CPNE5: variants seen among roughly 807,000 people sequenced by gnomAD.
The protein encoded by CPNE5 is copine-5.
Under a neutral mutation model 81.1 loss-of-function variants are expected in CPNE5, and 42 were observed. The observed-to-expected ratio is 0.52, with a 90% CI of 0.40 to 0.67. The LOEUF is 0.67. Ranked by LOEUF, CPNE5 falls within the 30% of genes least tolerant of loss-of-function variation. The pLI is 0.00. For synonymous variants in CPNE5, 313 were observed against 321.5 expected (o/e 0.97, Z 0.28); for missense variants, 612 against 815.5 (o/e 0.75, Z 3.04).
intron 1 of CPNE5, chr6:36,838,762 A>C: frequency 1.0e-6 from 1 of 984,418 alleles, no homozygotes; most frequent in African/African-American, 1.7e-5. Flanking sequence ...GAGATGAAGG[A>C]AGGCTTTAAA....
Position 36,745,400 on chromosome 6 carries a change from G to A in CPNE5, c.1316C>T (p.Thr439Ile). ...YGPTNFAPVV[T>I]HVARNAAAVQ... ...CAGCGGCACTCACCTGGCCACGTGG[G>A]TGACCACGGGGGCAAAGTTGGTGGG... Residue 439 changes from threonine (T) to isoleucine (I), a missense_variant, in exon 17 of 21, where the codon ACC (threonine) becomes ATC (isoleucine). Physicochemically the swap from Thr to Ile is moderately conservative, Grantham distance 89. Coordinates refer to ENST00000244751, the MANE Select transcript of CPNE5 (RefSeq NM_020939.2). 1 of 1,606,964 alleles carries A rather than the reference G, an allele frequency of 6.2e-7. No individual in the cohort carries two copies. Among genetic ancestry groups the A allele is most frequent in the African/African-American group, 1.3e-5 (1 of 75,032 alleles).
At chr6:36,806,185 T>C (rs1770575898) in intron 3 of CPNE5, among the ~76,000 whole-genome samples, 1 of 152,160 alleles carries the variant, frequency 6.6e-6, no homozygotes, top group African/African-American at 2.4e-5. Context: ...ATACGGAGGC[T>C]GGAGAGTCTC....
intron 10 of CPNE5, among the ~76,000 whole-genome samples, chr6:36,774,756 C>CAG (rs3838963): frequency 0.67 from 101,047 of 151,902 alleles, 34,361 homozygotes; most frequent in Non-Finnish European, 0.75. Context: ...TGTGAAGAGG[C>CAG]AGACATTGCC....
Position 36,764,075 on chromosome 6 carries a change from G to GCCCCACCC in CPNE5, c.780-1091_780-1084dup, listed in dbSNP as rs1317833890. Among the ~76,000 whole-genome samples the GCCCCACCC allele has an allele frequency of 2.4e-4, 30 of 125,016 alleles. No homozygotes were observed. The East Asian group carries it at 3.5e-3, about 15-fold the overall frequency. The allele number at this position is 125,016 out of a possible 152,430, so 82.0% of individuals were successfully genotyped here. ...CTGATGCCCAAGAGGTGTCCCTGGG[G>GCCCCACCC]CCCCACCCCCCCACCCCCCACCGTG... On this transcript the variant is annotated intron_variant, in intron 11 of 20. Coordinates refer to ENST00000244751, the MANE Select transcript of CPNE5 (RefSeq NM_020939.2).
intron 10 of CPNE5, among the ~76,000 whole-genome samples, chr6:36,772,265 C>T (rs77138320): frequency 0.017 from 2,562 of 152,218 alleles, 30 homozygotes; most frequent in African/African-American, 0.025. Flanking sequence ...CCTTTATTCC[C>T]GTGCCCCTGT....
intron 3 of CPNE5, among the ~76,000 whole-genome samples, chr6:36,815,866 TG>T (rs1340660949): frequency 1.3e-4 from 20 of 152,188 alleles, no homozygotes; most frequent in Admixed American, 2.0e-4. Context: ...TGCAGTGGTA[TG>T]GGGCGATCTG....
chr6:36,833,581 G>A (rs547916390), intron 1 of CPNE5, among the ~76,000 whole-genome samples: 89 of 152,362 alleles, frequency 5.8e-4, no homozygotes, highest in African/African-American at 2.1e-3. Flanking sequence ...AGGGGGCCAT[G>A]TGGCAAGGGC....
In CPNE5 at chr6:36,745,082, G is replaced by T; in HGVS notation, c.1397C>A (p.Ser466Ter). Residue 466 changes from serine to a stop codon, truncating the protein, a stop_gained, in exon 18 of 21, where the codon TCG becomes TAG. Transcript: ENST00000244751. LOFTEE classifies it high-confidence loss of function. ...VLLIITDGVI[S>*]DMAQTKEAIV... Reference sequence around the variant, plus strand: ...GGCCTCCTTGGTCTGCGCCATGTCCGAGATGACCCCATCAGTAATGATGAG... The same window carrying T: ...GGCCTCCTTGGTCTGCGCCATGTCCTAGATGACCCCATCAGTAATGATGAG... 1.2e-6 allele frequency: 2 copies of T among 1,614,040 alleles called. No homozygotes were observed. The highest frequency in any genetic ancestry group is 1.7e-6 in the Non-Finnish European group (2 of 1,179,910).
chr6:36,746,252 C>G lies in CPNE5; in HGVS notation c.1200+144G>C, dbSNP rs1446854084. ...GAAGGGAGTGGATTTCTGGAGCCCC[C>G]CTACACACAGCAGGCAGTCTACCTC... On this transcript the variant is annotated intron_variant, in intron 16 of 20. Coordinates refer to ENST00000244751, the MANE Select transcript of CPNE5 (RefSeq NM_020939.2). This position sits in a 1 kb window ranked among gnomAD's most constrained non-coding sequence, Gnocchi z 4.5. 10 of 1,416,492 alleles carry G rather than the reference C, an allele frequency of 7.1e-6. No homozygotes were observed. The highest frequency in any genetic ancestry group is 2.7e-5 in the East Asian group (1 of 36,694). The allele number at this position is 1,416,492 out of a possible 1,614,324, so 87.7% of individuals were successfully genotyped here.
At chr6:36,756,337 A>T (rs1765460618) in intron 12 of CPNE5, 39 bp from the exon 13 acceptor site, 8 of 1,589,074 alleles carry the variant, frequency 5.0e-6, no homozygotes, top group Non-Finnish European at 6.9e-6. Flanking sequence ...GCATGCTTCC[A>T]GGCAGTCAGG....
At chr6:36,792,330 A>G in intron 7 of CPNE5, 1 of 1,524,114 alleles carries the variant, frequency 6.6e-7, no homozygotes, top group Non-Finnish European at 8.8e-7. Flanking sequence ...CTGCTCCCCG[A>G]GAGCCCACCA....
At chr6:36,813,306 G>A (rs967114777) in intron 3 of CPNE5, among the ~76,000 whole-genome samples, 1 of 152,196 alleles carries the variant, frequency 6.6e-6, no homozygotes, top group African/African-American at 2.4e-5. Flanking sequence ...TTAGGAGGGA[G>A]GATCACCTGA....
Position 36,811,504 on chromosome 6 carries a change from G to C in CPNE5, c.183+10610C>G, listed in dbSNP as rs530804722. ...GCCAAGATCCCCCACCTGGGCAGGT[G>C]GTGGGCCCATTTTTAAACTTGACTT... On this transcript the variant is annotated intron_variant, in intron 3 of 20. Coordinates refer to ENST00000244751, the MANE Select transcript of CPNE5 (RefSeq NM_020939.2). 2.2e-4 allele frequency among the ~76,000 whole-genome samples: 33 copies of C among 152,264 alleles called. 1 individual carries two copies. Among genetic ancestry groups the C allele is most frequent in the East Asian group, 5.8e-4 (3 of 5,178 alleles).
In CPNE5 at chr6:36,745,424, G is replaced by A; in HGVS notation, c.1292C>T (p.Pro431Leu). The change falls in exon 17 of 21, where the codon CCC (proline) becomes CTC (leucine). Residue 431 changes from proline to leucine, a missense_variant. Coordinates refer to ENST00000244751, the MANE Select transcript of CPNE5 (RefSeq NM_020939.2). ...RSLRTVQLYG[P>L]TNFAPVVTHV... ...GGTGACCACGGGGGCAAAGTTGGTG[G>A]GGCCGTACAGCTGCACAGTGCGCAG... 6.2e-7 allele frequency: 1 copy of A among 1,607,354 alleles called. No individual in the cohort carries two copies. Among genetic ancestry groups the A allele is most frequent in the Non-Finnish European group, 8.5e-7 (1 of 1,177,638 alleles).
At chr6:36,805,234 T>A (rs1770484221) in intron 3 of CPNE5, among the ~76,000 whole-genome samples, 1 of 152,336 alleles carries the variant, frequency 6.6e-6, no homozygotes, top group Middle Eastern at 3.4e-3. Flanking sequence ...AACCACAGGA[T>A]GGCATGCAAT....
intron 8 of CPNE5, among the ~76,000 whole-genome samples, chr6:36,784,429 A>G (rs1768334052): frequency 6.6e-6 from 1 of 152,240 alleles, no homozygotes; most frequent in African/African-American, 2.4e-5. Flanking sequence ...GTGCCTTGGA[A>G]GGTCACTCTG....
intron 18 of CPNE5, among the ~76,000 whole-genome samples, 186 bp downstream of exon 18, chr6:36,744,862 G>A (rs143679366): frequency 1.3e-5 from 2 of 152,232 alleles, no homozygotes; most frequent in African/African-American, 4.8e-5. Flanking sequence ...ACCGGACTCT[G>A]CAGCCAGAGG....
intron 3 of CPNE5, among the ~76,000 whole-genome samples, chr6:36,805,156 A>G (rs1478079978): frequency 6.6e-6 from 1 of 152,200 alleles, no homozygotes; most frequent in African/African-American, 2.4e-5. Context: ...TTCATTCTAC[A>G]TAGACTTATA....
intron 3 of CPNE5, among the ~76,000 whole-genome samples, chr6:36,812,382 C>T (rs762726964): frequency 6.6e-6 from 1 of 152,264 alleles, no homozygotes; most frequent in East Asian, 1.9e-4. Context: ...AGGGATAGAG[C>T]CTCTTTACAG....
Sources: gnomAD v4.1 joint callset for allele counts (sites outside exome capture counted in the v4.1 genomes callset) on GRCh38, gnomAD v4.1.1 for gene constraint, Gnocchi (gnomAD v3.1) non-coding constraint, MANE v1.5 for transcripts, NCBI Gene and HGNC (gene_info 2026-07-23, HGNC 2026-07-21) for gene names.